Variants in SORBS2 observed in about 807,000 individuals in gnomAD.
SORBS2 encodes sorbin and SH3 domain-containing protein 2.
A neutral mutation model predicts 97.7 loss-of-function variants in SORBS2; 46 were observed. The ratio of observed to expected loss-of-function variants is 0.47; its 90% CI spans 0.37 to 0.60. The LOEUF (loss-of-function observed/expected upper bound fraction) is 0.60, where lower values mean the gene tolerates loss of function less well. SORBS2 is among the 20% of genes least tolerant of loss of function. The probability of loss-of-function intolerance (pLI) is 0.00; values close to 1 mark genes in which losing one functional copy is unlikely to be tolerated. For synonymous variants in SORBS2, 476 were observed against 473.4 expected (o/e 1.01, Z -0.07); for missense variants, 1,316 against 1,282.3 (o/e 1.03, Z -0.40).
intron 1 of SORBS2, among the ~76,000 whole-genome samples, chr4:185,931,198 A>T (rs948863045): frequency 4.6e-5 from 7 of 152,170 alleles, no homozygotes; most frequent in African/African-American, 1.7e-4. Flanking sequence ...TAAGGAGGGT[A>T]TGGGGGAAAA....
intron 1 of SORBS2, among the ~76,000 whole-genome samples, chr4:185,857,094 G>A (rs779272412): frequency 3.3e-5 from 5 of 152,178 alleles, no homozygotes; most frequent in South Asian, 2.1e-4. Flanking sequence ...ATATAAGGTC[G>A]TTAGTATGGG....
chr4:185,752,518 T>C lies in SORBS2; in HGVS notation c.-198+22709A>G, dbSNP rs561773980. On this transcript the variant is annotated intron_variant, in intron 2 of 20. Coordinates refer to the SORBS2 transcript ENST00000284776. ...GTCTCGATCTCCTGACCTTGTGATC[T>C]GCCCGCCTCGGCCTCCCAAAGTGCT... Among the ~76,000 whole-genome samples, 4 of 152,266 alleles carry C rather than the reference T, an allele frequency of 2.6e-5. No homozygotes were observed. The South Asian group carries it at 6.2e-4, about 24-fold the overall frequency.
At chr4:185,694,576 T>C (rs2098142981) in intron 2 of SORBS2, among the ~76,000 whole-genome samples, 1 of 152,242 alleles carries the variant, frequency 6.6e-6, no homozygotes, top group Non-Finnish European at 1.5e-5. Flanking sequence ...TAGCCTCCAC[T>C]GTCAAAATAC....
chr4:185,647,299 T>A (rs1349524749), intron 3 of SORBS2, among the ~76,000 whole-genome samples: 2 of 151,748 alleles, frequency 1.3e-5, no homozygotes, highest in Non-Finnish European at 2.9e-5. Flanking sequence ...CCAGCACTTT[T>A]CCCCCAAGGA....
At chr4:185,609,243 T>C (rs2096491590) in intron 12 of SORBS2, among the ~76,000 whole-genome samples, 1 of 152,240 alleles carries the variant, frequency 6.6e-6, no homozygotes, top group South Asian at 2.1e-4. Flanking sequence ...GCTAGAGTTC[T>C]AGTTTATACC....
intron 1 of SORBS2, among the ~76,000 whole-genome samples, chr4:185,800,665 C>T (rs879726422): frequency 6.6e-6 from 1 of 152,096 alleles, no homozygotes; most frequent in Admixed American, 6.5e-5. Context: ...TTCTCTCCCT[C>T]TCTCCTCTTT....
At position 185,677,559 on chromosome 4, in the gene SORBS2, T is replaced by C. The variant is rs755938578; in HGVS notation, c.-46+864A>G. On this transcript the variant is annotated intron_variant, in intron 4 of 20. Coordinates refer to the SORBS2 transcript ENST00000284776. ...GGGAATTTGTGTGTTAGTTACTAAC[T>C]GGTCTAAAATGACACCCTTTGTGTG... 21 of 1,546,550 alleles carry C rather than the reference T, an allele frequency of 1.4e-5. No homozygotes were observed. The South Asian group carries it at 2.0e-4, about 15-fold the overall frequency.
rs2096425398 is a variant in SORBS2, at chr4:185,606,588, A to G, written c.2796+5192T>C. The G allele has an allele frequency of 2.0e-6, 2 of 985,228 alleles. No homozygotes were observed. The highest frequency in any genetic ancestry group is 9.4e-5 in the South Asian group (2 of 21,282). The allele number at this position is 985,228 out of a possible 1,614,324, so 61.0% of individuals were successfully genotyped here. On this transcript the variant is annotated intron_variant, in intron 12 of 14. Coordinates refer to ENST00000418609, the Ensembl canonical transcript of SORBS2. The surrounding 1 kb of genome is among the most constrained non-coding windows in gnomAD (Gnocchi z 4.3). ...TAATCAGACAAAATTAAAATACCTC[A>G]TTACTGGGTTTTGCTGCATTGCTGT...
chr4:185,868,944 G>C (rs2099228863), intron 1 of SORBS2, among the ~76,000 whole-genome samples: 1 of 152,216 alleles, frequency 6.6e-6, no homozygotes, highest in Admixed American at 6.5e-5. Flanking sequence ...GGTTCAACCT[G>C]GAGGAGAAAC....
At chr4:185,659,550 G>A (rs536819349), upstream of SORBS2, among the ~76,000 whole-genome samples, 2 of 151,908 alleles carry the variant, frequency 1.3e-5, no homozygotes, top group Admixed American at 6.6e-5. Flanking sequence ...CCGAGTAGCT[G>A]GGACTACAGG....
chr4:185,773,082 A>T (rs1295361157), intron 2 of SORBS2: 2 of 151,552 alleles, frequency 1.3e-5, no homozygotes, highest in Admixed American at 1.3e-4. Flanking sequence ...AAACAGGGGG[A>T]AAATGGCTTG....
At chr4:185,897,661 G>A (rs1031776510) in intron 1 of SORBS2, among the ~76,000 whole-genome samples, 2 of 152,160 alleles carry the variant, frequency 1.3e-5, no homozygotes, top group African/African-American at 4.8e-5. Flanking sequence ...AAACAGGTAT[G>A]CTCCACAGCC....
At chr4:185,794,049 A>T (rs1478114074) in intron 1 of SORBS2, among the ~76,000 whole-genome samples, 1 of 152,232 alleles carries the variant, frequency 6.6e-6, no homozygotes, top group Non-Finnish European at 1.5e-5. Context: ...AAAGTCTGTC[A>T]AAAAGCATTT....
At chr4:185,718,919 C>G (rs1313254862) in intron 2 of SORBS2, among the ~76,000 whole-genome samples, 1 of 152,162 alleles carries the variant, frequency 6.6e-6, no homozygotes, top group African/African-American at 2.4e-5. Flanking sequence ...CAGGTTTGCT[C>G]TATGCAGACC....
At chr4:185,894,079 C>T (rs1009549325) in intron 1 of SORBS2, among the ~76,000 whole-genome samples, 1 of 152,140 alleles carries the variant, frequency 6.6e-6, no homozygotes, top group African/African-American at 2.4e-5. Context: ...GTTCTCCAGC[C>T]CCTCTGAATA....
At chr4:185,658,908 A>G (rs35901985), upstream of SORBS2, among the ~76,000 whole-genome samples, 26,429 of 151,946 alleles carry the variant, frequency 0.17, 2,376 homozygotes, top group South Asian at 0.25. Flanking sequence ...GGGTTTCACC[A>G]TGCTAGCTAG....
intron 4 of SORBS2, among the ~76,000 whole-genome samples, chr4:185,643,216 A>T (rs1025286449): frequency 1.1e-4 from 17 of 152,174 alleles, no homozygotes; most frequent in Non-Finnish European, 2.2e-4. Flanking sequence ...CTGTGCTGGG[A>T]CCTGGAGGAT....
At chr4:185,820,713 T>C (rs1466869905) in intron 1 of SORBS2, among the ~76,000 whole-genome samples, 1 of 152,230 alleles carries the variant, frequency 6.6e-6, no homozygotes, top group East Asian at 1.9e-4. Context: ...AAGAGTTCTG[T>C]AGCAGAGTCC....
intron 4 of SORBS2, 33 bp downstream of exon 14, chr4:185,638,844 G>A (rs1419363163): frequency 3.5e-6 from 5 of 1,424,600 alleles, no homozygotes; most frequent in African/African-American, 1.5e-5. Flanking sequence ...CCTCTGCCGG[G>A]CATGAAGAAA....
Sources: allele counts gnomAD v4.1 joint callset (sites outside exome capture counted in the v4.1 genomes callset), GRCh38; gene constraint gnomAD v4.1.1; non-coding constraint Gnocchi (gnomAD v3.1); transcripts MANE v1.5; gene names NCBI Gene and HGNC (gene_info 2026-07-23, HGNC 2026-07-21).